The following CENPC variants were observed in gnomAD, a reference collection of about 807,000 sequenced individuals.
The protein encoded by CENPC is CENP-C 1.
Under a neutral mutation model 112.1 loss-of-function variants are expected in CENPC, and 63 were observed. The ratio of observed to expected loss-of-function variants is 0.56; its 90% CI spans 0.46 to 0.69. CENPC has a LOEUF of 0.69. Ranked by LOEUF, CENPC falls within the 30% of genes least tolerant of loss-of-function variation. CENPC has a pLI of 0.00. For missense variants in CENPC, 1,000 were observed against 1,103.8 expected (o/e 0.91, Z 1.33); for synonymous variants, 333 against 367.6 (o/e 0.91, Z 1.08).
At chr4:67,482,864 A>G (rs1372621545) in intron 17 of CENPC, among the ~76,000 whole-genome samples, 1 of 152,098 alleles carries the variant, frequency 6.6e-6, no homozygotes, top group Non-Finnish European at 1.5e-5. Context: ...CTCTTGTAAT[A>G]TGGTTTGGCT....
chr4:67,511,100 C>A (rs973295338), intron 9 of CENPC: 16 of 455,170 alleles, frequency 3.5e-5, no homozygotes, highest in African/African-American at 2.8e-4. Context: ...ATGCCACCTA[C>A]TATGCTAATT....
intron 17 of CENPC, among the ~76,000 whole-genome samples, chr4:67,488,091 T>C (rs1483044061): frequency 6.6e-6 from 1 of 151,802 alleles, no homozygotes; most frequent in Non-Finnish European, 1.5e-5. Context: ...GTAAAACATG[T>C]ATTCTCTTCA....
chr4:67,475,685 G>A (rs926072495), intron 17 of CENPC, among the ~76,000 whole-genome samples: 6 of 152,132 alleles, frequency 3.9e-5, no homozygotes, highest in Admixed American at 6.5e-5. Context: ...TGCAAGCTCC[G>A]CCTCCAGGGT....
intron 5 of CENPC, among the ~76,000 whole-genome samples, chr4:67,522,288 GGC>G (rs1726249980): frequency 6.6e-6 from 1 of 152,132 alleles, no homozygotes; most frequent in Non-Finnish European, 1.5e-5. Flanking sequence ...TTCTTAACTT[GGC>G]TGCATAAAAC....
chr4:67,516,568 T>C (rs1457505124), intron 7 of CENPC, among the ~76,000 whole-genome samples: 2 of 152,030 alleles, frequency 1.3e-5, no homozygotes, highest in Admixed American at 6.5e-5. Flanking sequence ...TAATGTAAAA[T>C]AGCAAATACT....
intron 17 of CENPC, among the ~76,000 whole-genome samples, chr4:67,479,429 C>T (rs1724894595): frequency 6.6e-6 from 1 of 152,058 alleles, no homozygotes; most frequent in South Asian, 2.1e-4. Flanking sequence ...ACCCTCAAAA[C>T]CAAGCAAATA....
intron 16 of CENPC, among the ~76,000 whole-genome samples, chr4:67,491,173 T>TTTATTA (rs1309329126): frequency 6.7e-6 from 1 of 149,134 alleles, no homozygotes; most frequent in African/African-American, 2.4e-5. Flanking sequence ...ACTAACTAGT[T>TTTATTA]TTATTATTAT....
intron 17 of CENPC, among the ~76,000 whole-genome samples, chr4:67,489,070 T>C (rs1446113042): frequency 1.3e-5 from 2 of 152,006 alleles, no homozygotes; most frequent in African/African-American, 2.4e-5. Context: ...TCCTTAGCTA[T>C]ATTTTTTAAC....
chr4:67,491,480 TAGAGAGAGAGAG>T (rs71219046), intron 16 of CENPC, among the ~76,000 whole-genome samples: 25 of 18,088 alleles, frequency 1.4e-3, no homozygotes, highest in South Asian at 0.011. Flanking sequence ...TATATATATA[TAGAGAGAGAGAG>T]AGAGAGAGAG....
intron 17 of CENPC, among the ~76,000 whole-genome samples, chr4:67,489,014 A>C (rs1002942579): frequency 6.6e-6 from 1 of 151,958 alleles, no homozygotes; most frequent in Non-Finnish European, 1.5e-5. Context: ...GTGATACTTT[A>C]GTAGCACAAT....
At chr4:67,478,628 A>AC in intron 17 of CENPC, among the ~76,000 whole-genome samples, 1 of 100,186 alleles carries the variant, frequency 1.0e-5, no homozygotes, top group Non-Finnish European at 2.3e-5. Flanking sequence ...AGGGTCTATA[A>AC]AACACACACA....
In CENPC at chr4:67,493,263, T is replaced by TA. The variant is rs769090878; in HGVS notation, c.2291-267dup. 7.6e-3 allele frequency: 1,167 copies of TA among 153,512 alleles called. 1 individual carries two copies. The highest frequency in any genetic ancestry group is 0.014 in the South Asian group (75 of 5,228). The allele number at this position is 153,512 out of a possible 1,614,324, so 9.5% of individuals were successfully genotyped here. On this transcript the variant is annotated intron_variant, in intron 14 of 18. Transcript: ENST00000273853. ...ATCAACAGTCATCAGTGGAGGCTTT[T>TA]AAAAAAAAAAAAAAAAGGAGGGGGC...
At chr4:67,530,022 C>A (rs1023359463) in intron 5 of CENPC, among the ~76,000 whole-genome samples, 3 of 151,856 alleles carry the variant, frequency 2.0e-5, no homozygotes, top group Admixed American at 6.6e-5. Flanking sequence ...AACTGACCAA[C>A]TGGAAGAAAA....
chr4:67,504,413 T>G (rs1316143213), intron 12 of CENPC, among the ~76,000 whole-genome samples: 2 of 151,806 alleles, frequency 1.3e-5, no homozygotes, highest in Admixed American at 1.3e-4. Flanking sequence ...AAAAGAATAG[T>G]GATTATTAGA....
At chr4:67,480,435 C>G (rs143328302) in intron 17 of CENPC, among the ~76,000 whole-genome samples, 1 of 151,590 alleles carries the variant, frequency 6.6e-6, no homozygotes, top group East Asian at 1.9e-4. Flanking sequence ...TGGAAATACA[C>G]AACCTTCTTA....
In CENPC at chr4:67,512,488, A is replaced by G. The variant is rs200847573; in HGVS notation, c.1526T>C (p.Val509Ala). ...RFSSESKNKL[V>A]PEEVTSTVTK... ...GACAGTTGAAGTCACTTCTTCAGGTACAAGTTTGTTCTTGGACTCACTGGA... is the reference window on the plus strand; with the variant it reads ...GACAGTTGAAGTCACTTCTTCAGGTGCAAGTTTGTTCTTGGACTCACTGGA... The change falls in exon 9 of 19, where the codon GTA (valine) becomes GCA (alanine). Residue 509 changes from valine to alanine, a missense_variant. Physicochemically the swap from Val to Ala is moderately conservative, Grantham distance 64. Transcript: ENST00000273853. The G allele has an allele frequency of 3.0e-5, 48 of 1,595,954 alleles. 1 individual carries two copies. In the African/African-American group the frequency reaches 5.8e-4, roughly 19 times the overall value.
chr4:67,489,928 A>G, intron 17 of CENPC, 39 bp downstream of exon 17: 1 of 1,447,592 alleles, frequency 6.9e-7, no homozygotes, highest in South Asian at 1.5e-5. Flanking sequence ...TCAGAGTTCT[A>G]CCAAGAGTGA....
intron 4 of CENPC, among the ~76,000 whole-genome samples, chr4:67,531,948 G>C (rs1471224598): frequency 6.6e-6 from 1 of 152,170 alleles, no homozygotes; most frequent in Non-Finnish European, 1.5e-5. Flanking sequence ...TACCATCAGA[G>C]TGAACAGGCA....
chr4:67,508,380 G>T (rs1223119934), intron 10 of CENPC, among the ~76,000 whole-genome samples: 2 of 151,860 alleles, frequency 1.3e-5, no homozygotes, highest in East Asian at 1.9e-4. Context: ...AGGTGTGGTG[G>T]TCCACACCTG....
Sources: allele counts gnomAD v4.1 joint callset (sites outside exome capture counted in the v4.1 genomes callset), GRCh38; gene constraint gnomAD v4.1.1; transcripts MANE v1.5; gene names NCBI Gene and HGNC (gene_info 2026-07-23, HGNC 2026-07-21).